PCNX4: variants seen among roughly 807,000 people sequenced by gnomAD.
PCNX4 encodes the protein pecanex 4, also known as pecanex-like protein 4.
PCNX4 carries 103 observed loss-of-function variants against 107.2 expected under a neutral mutation model. The ratio of observed to expected loss-of-function variants is 0.96; its 90% CI spans 0.82 to 1.13. The LOEUF (loss-of-function observed/expected upper bound fraction) is 1.13, where lower values mean the gene tolerates loss of function less well. Among genes scored for constraint, PCNX4 ranks in the 50% most tolerant of loss-of-function variants. The pLI is 0.00. For missense variants in PCNX4, 1,528 were observed against 1,379.4 expected, an observed-to-expected ratio of 1.11 and a Z score of -1.71; for synonymous variants, 541 against 481.7, an observed-to-expected ratio of 1.12 and a Z score of -1.61.
intron 1 of PCNX4, among the ~76,000 whole-genome samples, chr14:60,102,023 ACTAACT>A (rs1270736888): frequency 2.6e-5 from 4 of 152,228 alleles, no homozygotes; most frequent in Non-Finnish European, 5.9e-5. Flanking sequence ...TCTAAAATAG[ACTAACT>A]CTAAATCAGT....
chr14:60,133,687 A>T (rs1896194909), intron 10 of PCNX4: 1 of 575,546 alleles, frequency 1.7e-6, no homozygotes, highest in African/African-American at 1.8e-5. Context: ...GAGGCAACAG[A>T]TCAGAAAAGG....
rs113056705 is a variant in PCNX4, at chr14:60,107,249, C to T, written c.-53-337C>T. On this transcript the variant is annotated intron_variant, in intron 1 of 10. Coordinates refer to ENST00000406854, the MANE Select transcript of PCNX4 (RefSeq NM_001330177.2). ...ATAAAAAATTAGCCAGGCATAGGGG[C>T]ATGTGCCTATAGTCCCAGCTACTCA... 2.9e-3 allele frequency among the ~76,000 whole-genome samples: 440 copies of T among 152,144 alleles called. 3 individuals are homozygous for T. The highest frequency in any genetic ancestry group is 0.01 in the African/African-American group (422 of 41,508).
chr14:60,130,060 T>G (rs1330833219), intron 10 of PCNX4, among the ~76,000 whole-genome samples: 1 of 151,972 alleles, frequency 6.6e-6, no homozygotes, highest in East Asian at 1.9e-4. Flanking sequence ...GATTATCGGA[T>G]TGGATTTAAG....
intron 10 of PCNX4, among the ~76,000 whole-genome samples, chr14:60,131,797 T>TA (rs1321064435): frequency 3.9e-5 from 6 of 152,170 alleles, no homozygotes; most frequent in Non-Finnish European, 7.3e-5. Context: ...TTTCAAAACT[T>TA]ACGTGAAACA....
In PCNX4 at chr14:60,118,443, T is replaced by TTA; in HGVS notation, c.1695_1696dup (p.Cys566TyrfsTer16). The TTA allele has an allele frequency of 6.2e-7, 1 of 1,613,748 alleles. No homozygotes were observed. The highest frequency in any genetic ancestry group is 8.5e-7 in the Non-Finnish European group (1 of 1,179,780). On this transcript the variant is annotated frameshift_variant, in exon 7 of 11. Coordinates refer to ENST00000406854, the MANE Select transcript of PCNX4 (RefSeq NM_001330177.2). LOFTEE classifies it high-confidence loss of function. ...ACAACGTCGAAAAACAACTGCCACTTTATGTATACTCAACATTGTCTTTTC... is the reference window on the plus strand; with the variant it reads ...ACAACGTCGAAAAACAACTGCCACTTTATATGTATACTCAACATTGTCTTTTC...
chr14:60,121,035 G>A (rs1895942948), intron 7 of PCNX4, among the ~76,000 whole-genome samples, 161 bp from the exon 8 acceptor site: 1 of 151,992 alleles, frequency 6.6e-6, no homozygotes, highest in Non-Finnish European at 1.5e-5. Flanking sequence ...AATGCCTCCT[G>A]ATACACATGA....
At chr14:60,124,021 A>G (rs1417836280) in intron 8 of PCNX4, among the ~76,000 whole-genome samples, 197 bp from the exon 9 acceptor site, 1 of 152,112 alleles carries the variant, frequency 6.6e-6, no homozygotes, top group East Asian at 1.9e-4. Context: ...TAGTAGCATT[A>G]TTTTTAATCT....
chr14:60,114,757 T>C lies in PCNX4; in HGVS notation c.747T>C (p.Phe249=), dbSNP rs1371361336. The C allele has an allele frequency of 6.2e-7, 1 of 1,613,908 alleles. No individual in the cohort carries two copies. Among genetic ancestry groups the C allele is most frequent in the Admixed American group, 1.7e-5 (1 of 60,004 alleles). Residue 249 remains phenylalanine, a synonymous_variant, in exon 3 of 11, where the codon TTT becomes TTC. Coordinates refer to ENST00000406854, the MANE Select transcript of PCNX4 (RefSeq NM_001330177.2). ...EHMNQILHIL[F]VFLPFLWALG... Reference sequence around the variant, plus strand: ...TGAATCAGATTTTACACATCTTGTTTGTATTTTTACCCTTTCTGTGGGCAC... The same window carrying C: ...TGAATCAGATTTTACACATCTTGTTCGTATTTTTACCCTTTCTGTGGGCAC...
At chr14:60,099,775 G>A (rs1466775294) in intron 1 of PCNX4, among the ~76,000 whole-genome samples, 1 of 152,158 alleles carries the variant, frequency 6.6e-6, no homozygotes, top group African/African-American at 2.4e-5. Flanking sequence ...AAAAGGTAAT[G>A]GTCAGGTGCA....
intron 8 of PCNX4, 123 bp from the exon 9 acceptor site, chr14:60,124,095 A>G: frequency 1.3e-6 from 1 of 771,414 alleles, no homozygotes; most frequent in Non-Finnish European, 1.9e-6. Flanking sequence ...CTTGAGTTAA[A>G]GAAATTGTTT....
chr14:60,121,264 G>C lies in PCNX4; in HGVS notation c.2011G>C (p.Glu671Gln). The change falls in exon 8 of 11, where the codon GAA becomes CAA. Residue 671 changes from glutamate (E) to glutamine (Q), a missense_variant. Physicochemically the swap from Glu to Gln is conservative, Grantham distance 29. Transcript: ENST00000406854. Reference sequence around the variant, plus strand: ...TCGTTTAATGTGGATAATGATTCTGGAATGTGGCTATACTTACTGCTCTAT... The same window carrying C: ...TCGTTTAATGTGGATAATGATTCTGCAATGTGGCTATACTTACTGCTCTAT... ...QDRLMWIMIL[E>Q]CGYTYCSINI... 9 of 1,610,580 alleles carry C rather than the reference G, an allele frequency of 5.6e-6. No individual in the cohort carries two copies. Among genetic ancestry groups the C allele is most frequent in the Non-Finnish European group, 7.6e-6 (9 of 1,178,314 alleles).
At chr14:60,097,427 A>C (rs1300485252) in intron 1 of PCNX4, among the ~76,000 whole-genome samples, 1 of 152,242 alleles carries the variant, frequency 6.6e-6, no homozygotes. Context: ...TACTATTTGC[A>C]GTAGGACTAT....
In PCNX4 at chr14:60,115,129, AT is replaced by A; in HGVS notation, c.1028del (p.Leu343TyrfsTer21). 6.2e-7 allele frequency: 1 copy of A among 1,613,844 alleles called. No individual in the cohort carries two copies. The highest frequency in any genetic ancestry group is 1.1e-5 in the South Asian group (1 of 91,076). ...MGHKIGTKSK[D>X]LPSGPEKHFS... is the part of the protein sequence containing the mutation. ...CACAAAATTGGAACCAAATCTAAGG[AT>A]TTACCCAGTGGTCCGGAAAAACATT... is the stretch of plus-strand genomic sequence containing the variant. On this transcript the variant is annotated frameshift_variant, in exon 4 of 11. Transcript: ENST00000406854. LOFTEE classifies it high-confidence loss of function.
chr14:60,136,333 A>G lies in PCNX4; in HGVS notation c.*2112A>G, dbSNP rs1293811474. The G allele has an allele frequency of 1.3e-5, 2 of 152,150 alleles. No homozygotes were observed. Among genetic ancestry groups the G allele is most frequent in the African/African-American group, 2.4e-5 (1 of 41,426 alleles). The allele number at this position is 152,150 out of a possible 1,614,324, so 9.4% of individuals were successfully genotyped here. ...GACCTCTAAATTTTAGAATTTCTCAACAATTGATTCTAGGCCCCCCTTTGT... is the reference window on the plus strand; with the variant it reads ...GACCTCTAAATTTTAGAATTTCTCAGCAATTGATTCTAGGCCCCCCTTTGT... On this transcript the variant is annotated 3_prime_UTR_variant, in exon 11 of 11. Coordinates refer to ENST00000406854, the MANE Select transcript of PCNX4 (RefSeq NM_001330177.2).
intron 10 of PCNX4, among the ~76,000 whole-genome samples, chr14:60,130,868 G>A (rs770208915): frequency 2.0e-5 from 3 of 151,894 alleles, no homozygotes; most frequent in African/African-American, 4.8e-5. Flanking sequence ...TTGGGAGGCC[G>A]AGGCAGGCGG....
chr14:60,099,075 G>T (rs926152750), intron 1 of PCNX4, among the ~76,000 whole-genome samples: 2 of 152,068 alleles, frequency 1.3e-5, no homozygotes, highest in Admixed American at 6.5e-5. Context: ...ATTCCTACTG[G>T]TACCCTCAAC....
intron 6 of PCNX4, among the ~76,000 whole-genome samples, chr14:60,117,616 A>T (rs549301865): frequency 2.4e-4 from 36 of 152,316 alleles, no homozygotes; most frequent in South Asian, 6.2e-4. Context: ...ATACTGCAGA[A>T]CACATTTCTT....
At chr14:60,118,225 A>G in intron 6 of PCNX4, 104 bp from the exon 7 acceptor site, 1 of 1,319,366 alleles carries the variant, frequency 7.6e-7, no homozygotes, top group Non-Finnish European at 9.8e-7. Context: ...CTTCAAAAAT[A>G]CTGGGGCAAT....
chr14:60,095,206 G>C (rs557739686), intron 1 of PCNX4, among the ~76,000 whole-genome samples: 12 of 152,332 alleles, frequency 7.9e-5, no homozygotes, highest in African/African-American at 2.9e-4. Flanking sequence ...GAGGTGGGTA[G>C]GGGCAAATAG....
Sources: gnomAD v4.1 joint callset for allele counts (sites outside exome capture counted in the v4.1 genomes callset) on GRCh38, gnomAD v4.1.1 for gene constraint, MANE v1.5 for transcripts, NCBI Gene and HGNC (gene_info 2026-07-23, HGNC 2026-07-21) for gene names.